The following GRIA1 variants were observed in gnomAD, a reference collection of about 807,000 sequenced individuals.
GRIA1 encodes glutamate receptor 1.
A neutral mutation model predicts 99.2 loss-of-function variants in GRIA1; 31 were observed. The ratio of observed to expected loss-of-function variants is 0.31; its 90% CI spans 0.23 to 0.42. GRIA1 has a LOEUF of 0.42. Among genes scored for constraint, GRIA1 ranks in the 10% least tolerant of loss-of-function variants. The probability of loss-of-function intolerance (pLI) is 1.00; values close to 1 mark genes in which losing one functional copy is unlikely to be tolerated. For synonymous variants in GRIA1, 438 were observed against 432.4 expected, an observed-to-expected ratio of 1.01 and a Z score of -0.16; for missense variants, 782 against 1,157.5, an observed-to-expected ratio of 0.68 and a Z score of 4.71.
chr5:153,658,893 T>C (rs1166818495), intron 5 of GRIA1, among the ~76,000 whole-genome samples: 2 of 152,192 alleles, frequency 1.3e-5, no homozygotes, highest in African/African-American at 4.8e-5. Context: ...ATAGCCACCT[T>C]TGAAGGGCTG....
chr5:153,558,341 A>G (rs564223949), intron 2 of GRIA1, among the ~76,000 whole-genome samples: 1 of 152,328 alleles, frequency 6.6e-6, no homozygotes, highest in South Asian at 2.1e-4. Context: ...ATCAATATAT[A>G]AAATATTTTA....
At chr5:153,509,868 G>A (rs902698297) in intron 2 of GRIA1, among the ~76,000 whole-genome samples, 1 of 152,182 alleles carries the variant, frequency 6.6e-6, no homozygotes, top group Non-Finnish European at 1.5e-5. Context: ...GTGATGACAA[G>A]CTTCTTTGGA....
chr5:153,721,430 A>G (rs768583796), intron 11 of GRIA1, among the ~76,000 whole-genome samples: 12 of 152,202 alleles, frequency 7.9e-5, no homozygotes, highest in Non-Finnish European at 1.6e-4. Context: ...ATTTTCAGAA[A>G]ACTAATTTTC....
chr5:153,592,464 T>C (rs1764056583), intron 2 of GRIA1, among the ~76,000 whole-genome samples: 1 of 152,210 alleles, frequency 6.6e-6, no homozygotes, highest in South Asian at 2.1e-4. Context: ...CAGTTTCCTC[T>C]TGTGTAAAAA....
intron 7 of GRIA1, among the ~76,000 whole-genome samples, chr5:153,683,685 G>A (rs1340747604): frequency 6.6e-6 from 1 of 152,094 alleles, no homozygotes; most frequent in East Asian, 1.9e-4. Context: ...CAACCTACCA[G>A]CCCCAAGGCC....
At chr5:153,731,326 C>T (rs1223051721) in intron 11 of GRIA1, among the ~76,000 whole-genome samples, 2 of 151,634 alleles carry the variant, frequency 1.3e-5, no homozygotes, top group Non-Finnish European at 2.9e-5. Context: ...GAGTTTTCAC[C>T]TCTCTGTCCT....
intron 2 of GRIA1, among the ~76,000 whole-genome samples, chr5:153,600,395 A>AAC (rs1403015050): frequency 3.1e-5 from 3 of 97,422 alleles, no homozygotes; most frequent in Admixed American, 2.1e-4. Flanking sequence ...CCATCTCAAA[A>AAC]AAAAAAAAAA....
chr5:153,552,597 A>AT lies in GRIA1; in HGVS notation c.220+58543dup, dbSNP rs978153456. On this transcript the variant is annotated intron_variant, in intron 2 of 15. Transcript: ENST00000285900. ...CTCTGGGGAGGACCAAGCTGTCAGG[A>AT]TTTTTTTTTTTAATTCCCCAGATGA... Among the ~76,000 whole-genome samples, 736 of 148,734 alleles carry AT rather than the reference A, an allele frequency of 4.9e-3. 5 individuals carry two copies. The highest frequency in any genetic ancestry group is 0.015 in the African/African-American group (622 of 40,758).
intron 2 of GRIA1, among the ~76,000 whole-genome samples, chr5:153,626,816 G>A (rs540575949): frequency 8.2e-4 from 125 of 152,116 alleles, no homozygotes; most frequent in Middle Eastern, 3.2e-3. Context: ...GGGATGCAGC[G>A]TGGTTAAATC....
At chr5:153,592,895 G>GGA (rs988880102) in intron 2 of GRIA1, among the ~76,000 whole-genome samples, 1 of 152,224 alleles carries the variant, frequency 6.6e-6, no homozygotes, top group Non-Finnish European at 1.5e-5. Context: ...GAAAGAGAGA[G>GGA]GAGAGAGAGA....
rs962984422 is a variant in GRIA1, at chr5:153,493,971, T to C, written c.126T>C (p.Phe42=). ...PNQQSQEHAA[F]RFALSQLTEP... Reference sequence around the variant, plus strand: ...AGCAGTCACAGGAACATGCTGCTTTTAGATTTGCTTTGTCGCAACTCACAG... The same window carrying C: ...AGCAGTCACAGGAACATGCTGCTTTCAGATTTGCTTTGTCGCAACTCACAG... Residue 42 remains phenylalanine (F), a synonymous_variant, in exon 2 of 16, where the codon TTT becomes TTC. Coordinates refer to ENST00000285900, the MANE Select transcript of GRIA1 (RefSeq NM_000827.4). The C allele has an allele frequency of 1.9e-6, 3 of 1,614,140 alleles. No homozygotes were observed. The highest frequency in any genetic ancestry group is 1.7e-6 in the Non-Finnish European group (2 of 1,179,978).
intron 2 of GRIA1, among the ~76,000 whole-genome samples, chr5:153,495,779 G>A (rs1253904003): frequency 6.6e-6 from 1 of 152,182 alleles, no homozygotes; most frequent in African/African-American, 2.4e-5. Context: ...ATAATACTGA[G>A]TAGCTATTTT....
Position 153,716,759 on chromosome 5 carries a change from A to T in GRIA1, c.1823+10692A>T, listed in dbSNP as rs147930760. 2.9e-3 allele frequency among the ~76,000 whole-genome samples: 446 copies of T among 152,350 alleles called. 3 individuals carry two copies. The highest frequency in any genetic ancestry group is 0.01 in the African/African-American group (423 of 41,594). On this transcript the variant is annotated intron_variant, in intron 11 of 15. Coordinates refer to ENST00000285900, the MANE Select transcript of GRIA1 (RefSeq NM_000827.4). ...TGTTGTTAACTGTAGCACTTTAAGT[A>T]GGAAGGATAAATGGGGAGAAAATGA... is the stretch of plus-strand genomic sequence containing the variant.
At chr5:153,777,017 C>T (rs996890205) in intron 13 of GRIA1, among the ~76,000 whole-genome samples, 6 of 152,162 alleles carry the variant, frequency 3.9e-5, no homozygotes, top group African/African-American at 7.2e-5. Flanking sequence ...TAAGCAAGTG[C>T]TTTTTTGTGT....
chr5:153,553,239 T>TA (rs1190981571), intron 2 of GRIA1, among the ~76,000 whole-genome samples: 4 of 152,186 alleles, frequency 2.6e-5, no homozygotes, highest in Non-Finnish European at 5.9e-5. Flanking sequence ...GGATTCCCAT[T>TA]TTATGATGGT....
rs890751989 is a variant in GRIA1 at position 153,649,741 on chromosome 5, C to T, written c.461-589C>T. 2.6e-5 allele frequency among the ~76,000 whole-genome samples: 4 copies of T among 152,224 alleles called. No individual in the cohort carries two copies. The South Asian group carries it at 6.2e-4, about 24-fold the overall frequency. On this transcript the variant is annotated intron_variant, in intron 3 of 15. Coordinates refer to ENST00000285900, the MANE Select transcript of GRIA1 (RefSeq NM_000827.4). Reference sequence around the variant, plus strand: ...CCTCCCAAAGTGCTGGGATTACAGGCGTGAGCCACTGGGCCTGGCCTGCCA... The same window carrying T: ...CCTCCCAAAGTGCTGGGATTACAGGTGTGAGCCACTGGGCCTGGCCTGCCA...
chr5:153,589,950 C>T (rs1763811326), intron 2 of GRIA1, among the ~76,000 whole-genome samples: 1 of 152,124 alleles, frequency 6.6e-6, no homozygotes, highest in South Asian at 2.1e-4. Flanking sequence ...TACTATATTG[C>T]TGTCACAAAT....
rs1766837115 is a variant in GRIA1 at position 153,811,819 on chromosome 5, G to A, written c.*594G>A. On this transcript the variant is annotated 3_prime_UTR_variant, in exon 16 of 16. Transcript: ENST00000285900. ...CACTCCTTGGCCCAAACCTCTGATG[G>A]AGATAGACATTGTTGGAGAAGTGGG... The A allele has an allele frequency of 6.5e-6, 1 of 153,390 alleles. No individual in the cohort carries two copies. Among genetic ancestry groups the A allele is most frequent in the Admixed American group, 6.5e-5 (1 of 15,468 alleles). The allele number at this position is 153,390 out of a possible 1,614,324, so 9.5% of individuals were successfully genotyped here.
chr5:153,565,371 C>A (rs1040882942), intron 2 of GRIA1, among the ~76,000 whole-genome samples: 1 of 152,158 alleles, frequency 6.6e-6, no homozygotes, highest in Admixed American at 6.5e-5. Context: ...ATCTGTGTTT[C>A]TAAGCAATTG....
Sources: allele counts gnomAD v4.1 joint callset (sites outside exome capture counted in the v4.1 genomes callset), GRCh38; gene constraint gnomAD v4.1.1; transcripts MANE v1.5; gene names NCBI Gene and HGNC (gene_info 2026-07-23, HGNC 2026-07-21).